Variants in HIVEP2 observed in about 807,000 individuals in gnomAD.
HIVEP2 encodes the protein HIVEP zinc finger 2.
HIVEP2 carries 14 observed loss-of-function variants against 180.7 expected under a neutral mutation model. The ratio of observed to expected loss-of-function variants is 0.08; its 90% CI spans 0.05 to 0.12. The LOEUF (loss-of-function observed/expected upper bound fraction) is 0.12. Ranked by LOEUF, HIVEP2 falls within the 10% of genes least tolerant of loss-of-function variation. The pLI is 1.00. For synonymous variants in HIVEP2, 1,184 were observed against 1,136.4 expected, an observed-to-expected ratio of 1.04 and a Z score of -0.84; for missense variants, 2,579 against 3,008.5, an observed-to-expected ratio of 0.86 and a Z score of 3.34.
At chr6:142,918,162 C>T (rs373455209) in intron 1 of HIVEP2, among the ~76,000 whole-genome samples, 1 of 152,014 alleles carries the variant, frequency 6.6e-6, no homozygotes, top group Non-Finnish European at 1.5e-5. Flanking sequence ...TTCCTTAAAC[C>T]CTTTCCTCTT....
intron 2 of HIVEP2, chr6:142,788,532 G>A (rs1335048677): frequency 1.3e-5 from 2 of 152,184 alleles, no homozygotes; most frequent in Non-Finnish European, 2.9e-5. Context: ...AGCCAACATG[G>A]TGAAACCCTG....
chr6:142,922,689 G>A (rs891875144), intron 1 of HIVEP2, among the ~76,000 whole-genome samples: 24 of 152,260 alleles, frequency 1.6e-4, no homozygotes, highest in Admixed American at 1.4e-3. Context: ...AGGCAGGCCA[G>A]CTCTGAAACC....
At chr6:142,766,205 C>T (rs1343727139) in intron 6 of HIVEP2, among the ~76,000 whole-genome samples, 2 of 152,176 alleles carry the variant, frequency 1.3e-5, no homozygotes, top group African/African-American at 2.4e-5. Flanking sequence ...AACTCTGTTA[C>T]GGATTCACAT....
Position 142,753,031 on chromosome 6 carries a change from G to A in HIVEP2, c.*76C>T. 1 of 861,548 alleles carries A rather than the reference G, an allele frequency of 1.2e-6. No individual in the cohort carries two copies. The highest frequency in any genetic ancestry group is 2.0e-6 in the Non-Finnish European group (1 of 510,664). The allele number at this position is 861,548 out of a possible 1,614,324, so 53.4% of individuals were successfully genotyped here. ...CTTAGGACAGGCATGCTATAAACTG[G>A]ATTACCTCCATTTCTAGAAAAACAA... On this transcript the variant is annotated 3_prime_UTR_variant, in exon 10 of 10. Coordinates refer to ENST00000367603, the MANE Select transcript of HIVEP2 (RefSeq NM_006734.4).
At chr6:142,754,319 A>T (rs553121421) in intron 9 of HIVEP2, among the ~76,000 whole-genome samples, 135 of 151,414 alleles carry the variant, frequency 8.9e-4, no homozygotes, top group Non-Finnish European at 1.5e-3. Flanking sequence ...CATTAATAAT[A>T]TTTTTTTTAA....
At chr6:142,912,297 A>G (rs765267403) in intron 1 of HIVEP2, among the ~76,000 whole-genome samples, 13 of 152,314 alleles carry the variant, frequency 8.5e-5, no homozygotes, top group Non-Finnish European at 1.8e-4. Flanking sequence ...CTCAGTGTAT[A>G]CAACCATTGT....
chr6:142,770,274 G>A lies in HIVEP2; in HGVS notation c.4465C>T (p.Arg1489Cys), dbSNP rs768721723. ...CGAACCAGCTGGGGTTTCTGGGGGC[G>A]GGAGAGGTCCTTTTTGATGTCTGAG... ...TNSDIKKDLS[R>C]PQKPQLVRQG... Residue 1489 changes from arginine (R) to cysteine (C), a missense_variant, in exon 5 of 10, where the codon CGC becomes TGC. Coordinates refer to ENST00000367603, the MANE Select transcript of HIVEP2 (RefSeq NM_006734.4). The surrounding 1 kb of genome is among the most constrained non-coding windows in gnomAD (Gnocchi z 4.7). 11 of 1,614,198 alleles carry A rather than the reference G, an allele frequency of 6.8e-6. No homozygotes were observed. Among genetic ancestry groups the A allele is most frequent in the Admixed American group, 5.0e-5 (3 of 60,030 alleles).
intron 9 of HIVEP2, among the ~76,000 whole-genome samples, chr6:142,754,426 G>T (rs1367547229): frequency 6.6e-6 from 1 of 152,128 alleles, no homozygotes; most frequent in African/African-American, 2.4e-5. Context: ...GGAATGACAA[G>T]TCTGAAAATT....
At chr6:142,908,256 C>T (rs1459189743) in intron 1 of HIVEP2, among the ~76,000 whole-genome samples, 1 of 152,212 alleles carries the variant, frequency 6.6e-6, no homozygotes, top group Non-Finnish European at 1.5e-5. Flanking sequence ...GGTGTTCCTA[C>T]TTTCACTTGT....
intron 4 of HIVEP2, 84 bp downstream of exon 4, chr6:142,776,063 G>A (rs189956729): frequency 5.8e-4 from 89 of 152,422 alleles, no homozygotes; most frequent in African/African-American, 2.1e-3. Context: ...ATAAAAGGGT[G>A]CATCTAAACA....
At chr6:142,901,003 T>C (rs1395419490) in intron 1 of HIVEP2, among the ~76,000 whole-genome samples, 2 of 152,212 alleles carry the variant, frequency 1.3e-5, no homozygotes, top group African/African-American at 4.8e-5. Context: ...TAAGAATCAC[T>C]GCATAATATT....
Position 142,753,418 on chromosome 6 carries a change from C to A in HIVEP2, c.7030G>T (p.Ala2344Ser), listed in dbSNP as rs756648341. ...ASLRIATEEA[A>S]LLGPDQPARV... ...GCTGGCTGATCTGGCCCGAGCAGAG[C>A]TGCCTCTTCCGTGGCAATCCGGAGA... is the stretch of plus-strand genomic sequence containing the variant. The change falls in exon 10 of 10, where the codon GCT becomes TCT. Residue 2344 changes from alanine to serine, a missense_variant. Coordinates refer to ENST00000367603, the MANE Select transcript of HIVEP2 (RefSeq NM_006734.4). 4 of 1,613,986 alleles carry A rather than the reference C, an allele frequency of 2.5e-6. No homozygotes were observed. In the Admixed American group the frequency reaches 6.7e-5, roughly 27 times the overall value.
At chr6:142,806,358 G>T (rs1582876211) in intron 2 of HIVEP2, among the ~76,000 whole-genome samples, 1 of 152,154 alleles carries the variant, frequency 6.6e-6, no homozygotes, top group Non-Finnish European at 1.5e-5. Flanking sequence ...TGCCTATGGA[G>T]TAGCCATTCT....
intron 1 of HIVEP2, among the ~76,000 whole-genome samples, chr6:142,861,070 T>G (rs918943450): frequency 1.3e-5 from 2 of 152,158 alleles, no homozygotes; most frequent in African/African-American, 2.4e-5. Context: ...ATACATCAGA[T>G]AGCAGAAACA....
intron 1 of HIVEP2, among the ~76,000 whole-genome samples, chr6:142,853,914 T>C (rs111697067): frequency 1.6e-4 from 24 of 152,084 alleles, no homozygotes; most frequent in African/African-American, 5.8e-4. Context: ...TGTCCTAGAA[T>C]TGAGGGCAAG....
chr6:142,849,840 A>T (rs572686486), intron 1 of HIVEP2, among the ~76,000 whole-genome samples: 3 of 152,144 alleles, frequency 2.0e-5, no homozygotes, highest in Non-Finnish European at 4.4e-5. Context: ...TCTGTAAAAC[A>T]GTCTGAAAAG....
At chr6:142,857,394 G>T (rs1775852025) in intron 1 of HIVEP2, among the ~76,000 whole-genome samples, 1 of 152,178 alleles carries the variant, frequency 6.6e-6, no homozygotes, top group South Asian at 2.1e-4. Flanking sequence ...TATTTTGTAT[G>T]TTCTCACGGG....
At chr6:142,878,053 T>C (rs573200091) in intron 1 of HIVEP2, among the ~76,000 whole-genome samples, 1 of 152,284 alleles carries the variant, frequency 6.6e-6, no homozygotes, top group African/African-American at 2.4e-5. Context: ...TAACTAATCC[T>C]CATGAACATA....
At chr6:142,907,040 T>C (rs1777279995) in intron 1 of HIVEP2, among the ~76,000 whole-genome samples, 1 of 152,090 alleles carries the variant, frequency 6.6e-6, no homozygotes, top group South Asian at 2.1e-4. Context: ...CACAGGAGAG[T>C]TCACCAATGG....
Sources: gnomAD v4.1 joint callset for allele counts (sites outside exome capture counted in the v4.1 genomes callset) on GRCh38, gnomAD v4.1.1 for gene constraint, Gnocchi (gnomAD v3.1) non-coding constraint, MANE v1.5 for transcripts, NCBI Gene and HGNC (gene_info 2026-07-23, HGNC 2026-07-21) for gene names.